DOCK4: variants seen among roughly 807,000 people sequenced by gnomAD.
DOCK4 encodes dedicator of cytokinesis protein 4.
DOCK4 carries 97 observed loss-of-function variants against 268.1 expected under a neutral mutation model. The observed-to-expected ratio is 0.36, with a 90% confidence interval of 0.31 to 0.43. The LOEUF (loss-of-function observed/expected upper bound fraction) is 0.43. Ranked by LOEUF, DOCK4 falls within the 20% of genes least tolerant of loss-of-function variation. The pLI is 1.00. For synonymous variants in DOCK4, 954 were observed against 887.2 expected, an observed-to-expected ratio of 1.08 and a Z score of -1.34; for missense variants, 2,145 against 2,455.7, an observed-to-expected ratio of 0.87 and a Z score of 2.67.
intron 1 of DOCK4, among the ~76,000 whole-genome samples, chr7:112,036,950 C>G: frequency 6.6e-6 from 1 of 152,144 alleles, no homozygotes; most frequent in East Asian, 1.9e-4. Flanking sequence ...CGTGAGCCAC[C>G]GTGCCCTGCC....
At chr7:112,102,664 A>T (rs1810803770) in intron 1 of DOCK4, among the ~76,000 whole-genome samples, 1 of 152,192 alleles carries the variant, frequency 6.6e-6, no homozygotes, top group Admixed American at 6.5e-5. Flanking sequence ...GAACTGGGGA[A>T]CAGGCCCTCA....
In DOCK4 at chr7:111,977,050, T is replaced by TATACA; in HGVS notation, c.701+81_701+82insTGTAT. ...CTGACGGAGTAAAAAATATACAAGA[T>TATACA]ATATATCTTACAGCTTGCCAATCAC... is the stretch of plus-strand genomic sequence containing the variant. On this transcript the variant is annotated intron_variant, in intron 8 of 52. Transcript: ENST00000428084. The TATACA allele has an allele frequency of 2.0e-6, 3 of 1,488,906 alleles. No homozygotes were observed. In the South Asian group the frequency reaches 4.0e-5, roughly 20 times the overall value. The allele number at this position is 1,488,906 out of a possible 1,614,324, so 92.2% of individuals were successfully genotyped here.
At chr7:111,879,969 G>C (rs1285952031) in intron 16 of DOCK4, among the ~76,000 whole-genome samples, 2 of 152,100 alleles carry the variant, frequency 1.3e-5, no homozygotes, top group Non-Finnish European at 2.9e-5. Context: ...AAGAGTTATT[G>C]GTCTTAAAGA....
intron 10 of DOCK4, among the ~76,000 whole-genome samples, chr7:111,941,731 A>C (rs2094567885): frequency 6.6e-6 from 1 of 152,152 alleles, no homozygotes. Flanking sequence ...CACACATTTC[A>C]ATCCTTTTTT....
At chr7:111,976,430 T>C (rs1798214818) in intron 8 of DOCK4, 2 of 149,768 alleles carry the variant, frequency 1.3e-5, no homozygotes. Context: ...AATTCTCAAT[T>C]TATCTGTGAA....
intron 1 of DOCK4, among the ~76,000 whole-genome samples, chr7:112,032,857 T>C (rs1248001559): frequency 6.6e-6 from 1 of 152,106 alleles, no homozygotes; most frequent in Non-Finnish European, 1.5e-5. Flanking sequence ...TAATATATTT[T>C]ACTTTCCATG....
intron 1 of DOCK4, among the ~76,000 whole-genome samples, chr7:112,035,788 T>G (rs1188517386): frequency 6.6e-6 from 1 of 151,806 alleles, no homozygotes; most frequent in Non-Finnish European, 1.5e-5. Flanking sequence ...ATTACAACAC[T>G]CATTTAAAAA....
intron 1 of DOCK4, among the ~76,000 whole-genome samples, chr7:112,021,611 G>C (rs1802326303): frequency 6.6e-6 from 1 of 152,182 alleles, no homozygotes; most frequent in Non-Finnish European, 1.5e-5. Flanking sequence ...CATCCAAAAA[G>C]GATCCCATCA....
At chr7:112,011,450 T>C (rs1801293525) in intron 1 of DOCK4, among the ~76,000 whole-genome samples, 1 of 152,204 alleles carries the variant, frequency 6.6e-6, no homozygotes, top group Non-Finnish European at 1.5e-5. Flanking sequence ...TGCATTACTA[T>C]TTTATCTTAA....
At chr7:111,846,375 T>C (rs1804104705) in intron 24 of DOCK4, among the ~76,000 whole-genome samples, 1 of 152,212 alleles carries the variant, frequency 6.6e-6, no homozygotes. Context: ...TGAACACAAA[T>C]ACTCTGAGTT....
intron 1 of DOCK4, among the ~76,000 whole-genome samples, chr7:112,039,380 G>GC (rs930440934): frequency 1.4e-5 from 2 of 141,242 alleles, no homozygotes; most frequent in African/African-American, 5.2e-5. Flanking sequence ...ATATGGGGGG[G>GC]GGGGCTTAAA....
intron 1 of DOCK4, among the ~76,000 whole-genome samples, chr7:112,057,047 A>G (rs115908925): frequency 0.032 from 4,835 of 152,244 alleles, 282 homozygotes; most frequent in African/African-American, 0.11. Context: ...TATAACAATG[A>G]GACAAAAGAT....
chr7:111,737,042 C>G, intron 49 of DOCK4, 53 bp from the exon 50 acceptor site: 1 of 1,502,462 alleles, frequency 6.7e-7, no homozygotes, highest in African/African-American at 1.4e-5. Flanking sequence ...GCATGTGAAA[C>G]CTTTCAGAAA....
Position 111,968,761 on chromosome 7 carries a change from G to A in DOCK4, c.701+8371C>T, listed in dbSNP as rs1423354483. ...TGCTGCTATAAAGACACATGCACACGTATGTTTATTGCGGCACTATTCACA... is the reference window on the plus strand; with the variant it reads ...TGCTGCTATAAAGACACATGCACACATATGTTTATTGCGGCACTATTCACA... On this transcript the variant is annotated intron_variant, in intron 8 of 52. Transcript: ENST00000428084. 5.9e-5 allele frequency among the ~76,000 whole-genome samples: 6 copies of A among 101,694 alleles called. No homozygotes were observed. In the East Asian group the frequency reaches 1.4e-3, roughly 23 times the overall value. The allele number at this position is 101,694 out of a possible 152,430, so 66.7% of individuals were successfully genotyped here.
At chr7:111,942,620 G>C in intron 10 of DOCK4, among the ~76,000 whole-genome samples, 1 of 151,924 alleles carries the variant, frequency 6.6e-6, no homozygotes, top group Admixed American at 6.6e-5. Context: ...CACCTGCTTT[G>C]ACCTGAGTCA....
intron 1 of DOCK4, among the ~76,000 whole-genome samples, chr7:112,099,299 A>AG (rs1279765836): frequency 9.8e-5 from 14 of 143,278 alleles, no homozygotes; most frequent in African/African-American, 3.3e-4. Context: ...CTCGGATTTA[A>AG]AAAAAAAAAA....
chr7:112,153,250 T>C lies in DOCK4; in HGVS notation c.37+52852A>G, dbSNP rs549728856. ...AGTGTAAATTAATCAAAGAACACCA[T>C]TGTAAATGGTAATTTAAAATGCACA... On this transcript the variant is annotated intron_variant, in intron 1 of 52. Coordinates refer to ENST00000428084, the MANE Select transcript of DOCK4 (RefSeq NM_001363540.2). Among the ~76,000 whole-genome samples, 112 of 152,298 alleles carry C rather than the reference T, an allele frequency of 7.4e-4. 1 individual carries two copies. The highest frequency in any genetic ancestry group is 9.9e-4 in the Non-Finnish European group (67 of 68,020).
chr7:112,124,828 T>C (rs1563108350), intron 1 of DOCK4, among the ~76,000 whole-genome samples: 1 of 152,240 alleles, frequency 6.6e-6, no homozygotes, highest in Non-Finnish European at 1.5e-5. Flanking sequence ...ACATTTCATA[T>C]ATAATTCGTT....
chr7:111,970,212 G>A (rs1344033225), intron 8 of DOCK4, among the ~76,000 whole-genome samples: 2 of 152,118 alleles, frequency 1.3e-5, no homozygotes, highest in Non-Finnish European at 2.9e-5. Flanking sequence ...TGTACATGAT[G>A]AGTATGAGTG....
Sources: gnomAD v4.1 joint callset for allele counts (sites outside exome capture counted in the v4.1 genomes callset) on GRCh38, gnomAD v4.1.1 for gene constraint, MANE v1.5 for transcripts, NCBI Gene and HGNC (gene_info 2026-07-23, HGNC 2026-07-21) for gene names.